The following SCRN1 variants were observed in gnomAD, a reference collection of about 807,000 sequenced individuals.
The protein encoded by SCRN1 is secernin 1, also known as secernin-1.
A neutral mutation model predicts 43.3 loss-of-function variants in SCRN1; 19 were observed. The observed-to-expected ratio is 0.44, with a 90% CI of 0.31 to 0.64. The LOEUF is 0.64. SCRN1 is among the 30% of genes least tolerant of loss of function. The pLI is 0.09. For synonymous variants in SCRN1, 183 were observed against 188.9 expected, an observed-to-expected ratio of 0.97 and a Z score of 0.26; for missense variants, 447 against 524.1, an observed-to-expected ratio of 0.85 and a Z score of 1.44.
chr7:29,936,081 A>G (rs1237832563), intron 6 of SCRN1, among the ~76,000 whole-genome samples: 1 of 152,210 alleles, frequency 6.6e-6, no homozygotes, highest in Non-Finnish European at 1.5e-5. Flanking sequence ...GGGCCAGTAC[A>G]CTTGAAGTTG....
chr7:29,984,629 T>C (rs1341021934), intron 1 of SCRN1, among the ~76,000 whole-genome samples: 1 of 151,810 alleles, frequency 6.6e-6, no homozygotes. Context: ...CACTCACAAT[T>C]AGAGAATTAC....
chr7:29,943,256 T>C (rs1400526037), intron 4 of SCRN1, among the ~76,000 whole-genome samples: 3 of 152,180 alleles, frequency 2.0e-5, no homozygotes, highest in African/African-American at 4.8e-5. Context: ...CTCTTAGGAC[T>C]ACTTAGTTCT....
At chr7:29,951,915 G>A (rs1787941071) in intron 3 of SCRN1, among the ~76,000 whole-genome samples, 1 of 152,220 alleles carries the variant, frequency 6.6e-6, no homozygotes, top group African/African-American at 2.4e-5. Context: ...AAGTATAGGG[G>A]CAACTACTGT....
At chr7:29,955,471 T>A in intron 2 of SCRN1, 111 bp from the exon 3 acceptor site, 1 of 1,030,008 alleles carries the variant, frequency 9.7e-7, no homozygotes, top group Non-Finnish European at 1.4e-6. Flanking sequence ...AGCCAAAAAA[T>A]AAAAGGCCTT....
intron 1 of SCRN1, among the ~76,000 whole-genome samples, chr7:29,984,365 T>A (rs1011600357): frequency 2.6e-5 from 4 of 151,838 alleles, no homozygotes; most frequent in Non-Finnish European, 5.9e-5. Context: ...AGCAAAAACA[T>A]AAACTCAATT....
chr7:29,931,661 A>G (rs758471738), intron 6 of SCRN1, among the ~76,000 whole-genome samples: 11 of 152,216 alleles, frequency 7.2e-5, no homozygotes, highest in Non-Finnish European at 1.5e-4. Context: ...GTCCTCAAAC[A>G]TGGCTCTGCT....
At chr7:29,964,923 C>G (rs952714343) in intron 2 of SCRN1, among the ~76,000 whole-genome samples, 21 of 151,574 alleles carry the variant, frequency 1.4e-4, no homozygotes, top group African/African-American at 4.9e-4. Context: ...GCCTGGGCGA[C>G]AAAGCTAGAC....
At chr7:29,935,227 A>G (rs1028465245) in intron 6 of SCRN1, among the ~76,000 whole-genome samples, 1 of 152,264 alleles carries the variant, frequency 6.6e-6, no homozygotes, top group African/African-American at 2.4e-5. Flanking sequence ...AGGTCTGGTT[A>G]GAAACATCTA....
chr7:29,986,705 CTAATTTTTT>C (rs1323513038), intron 1 of SCRN1, among the ~76,000 whole-genome samples: 2 of 144,336 alleles, frequency 1.4e-5, no homozygotes, highest in Non-Finnish European at 3.1e-5. Context: ...AGTTAGTTTT[CTAATTTTTT>C]TAATTTTTTT....
chr7:29,955,090 T>TA (rs1317069723), intron 3 of SCRN1, 89 bp downstream of exon 3: 4 of 1,176,238 alleles, frequency 3.4e-6, no homozygotes, highest in South Asian at 3.0e-5. Context: ...AGGATTATGT[T>TA]AAAAAATGCA....
At chr7:29,957,282 G>A (rs972629354) in intron 2 of SCRN1, among the ~76,000 whole-genome samples, 1 of 152,240 alleles carries the variant, frequency 6.6e-6, no homozygotes. Flanking sequence ...TTTGGCTGGG[G>A]AGGAAGGCAA....
chr7:29,944,114 T>C lies in SCRN1; in HGVS notation c.407A>G (p.Glu136Gly). 1.2e-6 allele frequency: 2 copies of C among 1,614,260 alleles called. No homozygotes were observed. The highest frequency in any genetic ancestry group is 1.7e-6 in the Non-Finnish European group (2 of 1,180,046). Residue 136 changes from glutamate (E) to glycine (G), a missense_variant, in exon 4 of 8, where the codon GAA becomes GGA. By Grantham distance (98) the Glu-to-Gly change is moderately conservative. Coordinates refer to ENST00000242059, the MANE Select transcript of SCRN1 (RefSeq NM_014766.5). ...ALDVIVSLLE[E>G]HGQGGNYFED... Reference sequence around the variant, plus strand: ...AAAGTAATTCCCACCTTGTCCATGTTCTTCCAACAAGGAGACAATGACATC... The same window carrying C: ...AAAGTAATTCCCACCTTGTCCATGTCCTTCCAACAAGGAGACAATGACATC...
chr7:29,968,692 C>T (rs572294583), intron 2 of SCRN1, among the ~76,000 whole-genome samples: 2 of 152,304 alleles, frequency 1.3e-5, no homozygotes, highest in South Asian at 4.1e-4. Flanking sequence ...ACATATTTCA[C>T]TTAATTATAA....
upstream of SCRN1, chr7:29,989,885 C>A (rs1032197001): frequency 9.6e-7 from 1 of 1,038,818 alleles, no homozygotes; most frequent in East Asian, 8.1e-5. Context: ...CCCACCCCGG[C>A]CCCCGGGGCC....
At chr7:29,986,717 ATTTTTT>A (rs553845779) in intron 1 of SCRN1, among the ~76,000 whole-genome samples, 62 of 99,834 alleles carry the variant, frequency 6.2e-4, no homozygotes, top group African/African-American at 2.3e-3. Context: ...AATTTTTTTA[ATTTTTT>A]TTTTTTTTTT....
At chr7:29,963,300 G>A (rs754333867) in intron 2 of SCRN1, among the ~76,000 whole-genome samples, 3 of 152,148 alleles carry the variant, frequency 2.0e-5, no homozygotes, top group Admixed American at 1.3e-4. Context: ...TCAGGTGGTT[G>A]TAAATTTCAA....
At chr7:29,975,075 C>A (rs544765308) in intron 1 of SCRN1, among the ~76,000 whole-genome samples, 61 of 151,972 alleles carry the variant, frequency 4.0e-4, no homozygotes, top group Admixed American at 3.9e-3. Context: ...TCTCATACAA[C>A]GTTATGAAAT....
In SCRN1 at chr7:29,951,641, C is replaced by T. The variant is rs191402545; in HGVS notation, c.341+3538G>A. ...GTGTACGTGTCTTTATATGCCTCTT[C>T]CTCAGGAGAAAGGGACTAGTGGTCA... is the stretch of plus-strand genomic sequence containing the variant. On this transcript the variant is annotated intron_variant, in intron 3 of 7. Transcript: ENST00000242059. Among the ~76,000 whole-genome samples the T allele has an allele frequency of 3.0e-3, 458 of 152,216 alleles. 2 individuals carry two copies. The highest frequency in any genetic ancestry group is 2.6e-3 in the Non-Finnish European group (176 of 68,022).
Position 29,937,617 on chromosome 7 carries a change from T to G in SCRN1, c.740-896A>C, listed in dbSNP as rs1702597493. ...AACTCTTGCTGGTCAGAGTCAATAC[T>G]CTATTTGGAGAATGTCCTCTCTGCG... On this transcript the variant is annotated intron_variant, in intron 5 of 7. Transcript: ENST00000242059. 2.0e-5 allele frequency among the ~76,000 whole-genome samples: 3 copies of G among 152,266 alleles called. No homozygotes were observed. The South Asian group carries it at 6.2e-4, about 32-fold the overall frequency.
Sources: allele counts gnomAD v4.1 joint callset (sites outside exome capture counted in the v4.1 genomes callset), GRCh38; gene constraint gnomAD v4.1.1; transcripts MANE v1.5; gene names NCBI Gene and HGNC (gene_info 2026-07-23, HGNC 2026-07-21).